The following MROH1 variants were observed in gnomAD, a reference collection of about 807,000 sequenced individuals.
MROH1 encodes maestro heat like repeat family member 1, also known as maestro heat-like repeat-containing protein family member 1.
Under a neutral mutation model 116.5 loss-of-function variants are expected in MROH1, and 117 were observed. That is an observed-to-expected ratio of 1.00 (90% CI 0.86 to 1.17). MROH1 has a LOEUF of 1.17. MROH1 is among the 50% of genes most tolerant of loss of function. The pLI is 0.00. For missense variants in MROH1, 1,873 were observed against 1,338.5 expected (o/e 1.40, Z -6.23); for synonymous variants, 921 against 583.9 (o/e 1.58, Z -8.32).
At chr8:144,221,136 G>A (rs1489255597) in intron 13 of MROH1, among the ~76,000 whole-genome samples, 1 of 152,168 alleles carries the variant, frequency 6.6e-6, no homozygotes, top group Non-Finnish European at 1.5e-5. Context: ...CAGCAATGTG[G>A]GTCACAGAGC....
chr8:144,153,017 C>T (rs1430870837), intron 1 of MROH1, among the ~76,000 whole-genome samples: 1 of 152,144 alleles, frequency 6.6e-6, no homozygotes, highest in Non-Finnish European at 1.5e-5. Flanking sequence ...CAACATCTCC[C>T]TAGTCCTCCA....
chr8:144,175,505 G>A (rs779365899), intron 4 of MROH1: 70 of 985,332 alleles, frequency 7.1e-5, no homozygotes, highest in Non-Finnish European at 7.7e-5. Context: ...GCACTATACC[G>A]GCCGTGCTGC....
intron 12 of MROH1, among the ~76,000 whole-genome samples, chr8:144,216,335 G>A (rs1224902676): frequency 2.0e-5 from 3 of 151,856 alleles, no homozygotes; most frequent in Non-Finnish European, 2.9e-5. Context: ...TTAGCCGGGC[G>A]TGGTGGCGGG....
chr8:144,254,769 C>A, intron 33 of MROH1, 44 bp from the exon 34 acceptor site: 1 of 742,704 alleles, frequency 1.3e-6, no homozygotes. Context: ...GGCAGGCGCC[C>A]TGACCAGCCA....
At chr8:144,233,206 C>T (rs115720381) in intron 14 of MROH1, among the ~76,000 whole-genome samples, 3,873 of 152,042 alleles carry the variant, frequency 0.025, 172 homozygotes, top group African/African-American at 0.087. Context: ...ATTTTAAGTG[C>T]ACACTTCAGC....
chr8:144,183,076 AAAAC>A lies in MROH1; in HGVS notation c.562+2561_562+2564del, dbSNP rs1019054694. On this transcript the variant is annotated intron_variant, in intron 7 of 43. Transcript: ENST00000326134. Reference sequence around the variant, plus strand: ...GGGTGACAGAGTGAGACTCTGTCTCAAAACAAACAAATCAAAACTAGCTGGGCAT... The same window carrying A: ...GGGTGACAGAGTGAGACTCTGTCTCAAAACAAATCAAAACTAGCTGGGCAT... 3.3e-5 allele frequency among the ~76,000 whole-genome samples: 5 copies of A among 152,158 alleles called. No homozygotes were observed. The South Asian group carries it at 8.3e-4, about 25-fold the overall frequency.
At chr8:144,222,073 CAGATT>C (rs147151294) in intron 13 of MROH1, among the ~76,000 whole-genome samples, 60,459 of 151,396 alleles carry the variant, frequency 0.4, 14,990 homozygotes, top group East Asian at 0.72. Flanking sequence ...ATTCAGGGAC[CAGATT>C]TATGGTACAC....
chr8:144,236,552 C>T (rs1450309882), intron 14 of MROH1, among the ~76,000 whole-genome samples: 1 of 151,802 alleles, frequency 6.6e-6, no homozygotes, highest in Non-Finnish European at 1.5e-5. Flanking sequence ...ACCAGCCTGG[C>T]CAACATGGTG....
intron 12 of MROH1, among the ~76,000 whole-genome samples, chr8:144,202,953 G>T (rs1331287679): frequency 2.7e-5 from 2 of 72,916 alleles, no homozygotes; most frequent in Admixed American, 1.3e-4. Context: ...GTAGAGGGGC[G>T]GGGAGGGGAG....
At chr8:144,218,571 C>T (rs547261319) in intron 12 of MROH1, among the ~76,000 whole-genome samples, 3 of 151,392 alleles carry the variant, frequency 2.0e-5, no homozygotes, top group South Asian at 4.2e-4. Flanking sequence ...ACCACAGTGG[C>T]TGTCCTTCCA....
intron 12 of MROH1, chr8:144,214,428 TTA>T (rs981912750): frequency 2.6e-5 from 4 of 152,276 alleles, no homozygotes; most frequent in African/African-American, 9.6e-5. Flanking sequence ...CCCATCTGCC[TTA>T]TAAAGGGCCT....
intron 4 of MROH1, among the ~76,000 whole-genome samples, chr8:144,169,017 A>G (rs1821739712): frequency 6.6e-6 from 1 of 152,168 alleles, no homozygotes; most frequent in South Asian, 2.1e-4. Context: ...CAGTGATCCG[A>G]ACCCTAGGAC....
intron 24 of MROH1, among the ~76,000 whole-genome samples, chr8:144,242,972 G>T (rs941811123): frequency 0.061 from 9,234 of 150,972 alleles, 959 homozygotes; most frequent in African/African-American, 0.21. Flanking sequence ...CCGGACCCCA[G>T]TGAGCACCTA....
intron 1 of MROH1, among the ~76,000 whole-genome samples, chr8:144,160,645 G>A (rs186366003): frequency 1.4e-5 from 2 of 147,694 alleles, no homozygotes; most frequent in Admixed American, 6.8e-5. Context: ...GGGTCCCACC[G>A]GCTAGAACCC....
Position 144,245,140 on chromosome 8 carries a change from C to A in MROH1, c.2767-16C>A. The A allele has an allele frequency of 3.9e-6, 3 of 778,746 alleles. No homozygotes were observed. The highest frequency in any genetic ancestry group is 4.8e-6 in the Non-Finnish European group (2 of 417,752). The allele number at this position is 778,746 out of a possible 1,614,324, so 48.2% of individuals were successfully genotyped here. Reference sequence around the variant, plus strand: ...TGCCCTCTGAGCAGTACCTGTGTGACGCCCCTCTTCCTCAGCACCTGAGCC... The same window carrying A: ...TGCCCTCTGAGCAGTACCTGTGTGAAGCCCCTCTTCCTCAGCACCTGAGCC... On this transcript the variant is annotated splice_polypyrimidine_tract_variant and intron_variant, in intron 28 of 43. Transcript: ENST00000326134.
intron 7 of MROH1, among the ~76,000 whole-genome samples, chr8:144,189,665 G>T (rs534252533): frequency 6.6e-6 from 1 of 152,216 alleles, no homozygotes; most frequent in Non-Finnish European, 1.5e-5. Flanking sequence ...CCGCCCACCC[G>T]TGGGAGGGCC....
chr8:144,157,178 G>A (rs7817619), intron 1 of MROH1, among the ~76,000 whole-genome samples: 16,864 of 151,914 alleles, frequency 0.11, 3,126 homozygotes, highest in African/African-American at 0.38. Flanking sequence ...GGCTGGTCTC[G>A]AACTCCTGAC....
intron 28 of MROH1, 80 bp downstream of exon 28, chr8:144,244,619 A>G (rs1841576653): frequency 1.4e-6 from 1 of 712,810 alleles, no homozygotes; most frequent in Non-Finnish European, 2.6e-6. Flanking sequence ...CTCTCTCCAC[A>G]TGTGGGCACC....
At chr8:144,261,404 C>T in intron 43 of MROH1, 55 bp downstream of exon 43, 1 of 700,420 alleles carries the variant, frequency 1.4e-6, no homozygotes, top group Non-Finnish European at 2.6e-6. Context: ...CTGTAGGCAC[C>T]CGCAGGGACT....
Sources: allele counts gnomAD v4.1 joint callset (sites outside exome capture counted in the v4.1 genomes callset), GRCh38; gene constraint gnomAD v4.1.1; transcripts MANE v1.5; gene names NCBI Gene and HGNC (gene_info 2026-07-23, HGNC 2026-07-21).